Variants in CENPW observed in about 807,000 individuals in gnomAD.
CENPW encodes cancer-up-regulated gene 2 protein.
In CENPW, 3 loss-of-function variants were observed where a neutral mutation model predicts 11.1. The observed-to-expected ratio is 0.27, with a 90% confidence interval of 0.12 to 0.70. CENPW has a LOEUF of 0.70. Among genes scored for constraint, CENPW ranks in the 30% least tolerant of loss-of-function variants. The pLI, the probability that CENPW is intolerant of heterozygous loss-of-function variation, is 0.77. For missense variants in CENPW, 100 were observed against 105.6 expected (o/e 0.95, Z 0.23); for synonymous variants, 38 against 42.0 (o/e 0.91, Z 0.37).
At chr6:126,377,804 A>G in the CENPW span, among the ~76,000 whole-genome samples, 1 of 152,220 alleles carries the variant, frequency 6.6e-6, no homozygotes, top group Non-Finnish European at 1.5e-5. Context: ...AGTAACAACA[A>G]AAGACTTATT....
At chr6:126,478,598 C>A in the CENPW span, among the ~76,000 whole-genome samples, 1 of 151,952 alleles carries the variant, frequency 6.6e-6, no homozygotes, top group Non-Finnish European at 1.5e-5. Context: ...TGACAAAGCC[C>A]ATATTTGCTT....
chr6:126,471,390 A>T, the CENPW span, among the ~76,000 whole-genome samples: 2 of 152,174 alleles, frequency 1.3e-5, no homozygotes. Flanking sequence ...CTCCCCAGCC[A>T]TGCAGAACTA....
the CENPW span, among the ~76,000 whole-genome samples, chr6:126,439,523 T>A: frequency 6.6e-6 from 1 of 151,610 alleles, no homozygotes; most frequent in Non-Finnish European, 1.5e-5. Flanking sequence ...AGAGGAGTTT[T>A]TTCCTCTTCC....
the CENPW span, among the ~76,000 whole-genome samples, chr6:126,465,456 A>G: frequency 6.6e-6 from 1 of 152,102 alleles, no homozygotes; most frequent in Admixed American, 6.6e-5. Flanking sequence ...CTGCCTATTG[A>G]TTTACAAATT....
the CENPW span, among the ~76,000 whole-genome samples, chr6:126,405,385 C>A: frequency 2.0e-4 from 30 of 152,146 alleles, no homozygotes; most frequent in African/African-American, 6.7e-4. Flanking sequence ...CATGCCAGTA[C>A]CTTGCTGTTT....
At chr6:126,391,518 G>A in the CENPW span, among the ~76,000 whole-genome samples, 1 of 151,786 alleles carries the variant, frequency 6.6e-6, no homozygotes, top group Non-Finnish European at 1.5e-5. Flanking sequence ...AACTGGGCTT[G>A]TGGAATATTA....
At chr6:126,361,282 C>T in the CENPW span, among the ~76,000 whole-genome samples, 1 of 152,036 alleles carries the variant, frequency 6.6e-6, no homozygotes, top group Non-Finnish European at 1.5e-5. Context: ...AGATGTGTGG[C>T]TCTTTTCTAT....
chr6:126,458,460 T>C, the CENPW span, among the ~76,000 whole-genome samples: 1 of 151,388 alleles, frequency 6.6e-6, no homozygotes, highest in African/African-American at 2.4e-5. Context: ...AACAATTAAA[T>C]GAGAATTTTT....
chr6:126,477,340 A>G, the CENPW span, among the ~76,000 whole-genome samples: 1 of 152,024 alleles, frequency 6.6e-6, no homozygotes, highest in Non-Finnish European at 1.5e-5. Context: ...TACAACCAAA[A>G]GAGATTGGCA....
intron 1 of CENPW, among the ~76,000 whole-genome samples, chr6:126,345,528 A>C (rs1263868097): frequency 6.6e-6 from 1 of 152,114 alleles, no homozygotes; most frequent in Non-Finnish European, 1.5e-5. Context: ...AGCTTTCCAC[A>C]ATGCTGATAT....
chr6:126,346,186 T>TG lies in CENPW; in HGVS notation c.127-17dup, dbSNP rs775359552. 24 of 1,475,332 alleles carry TG rather than the reference T, an allele frequency of 1.6e-5. No homozygotes were observed. The Admixed American group carries it at 4.3e-4, about 27-fold the overall frequency. 91.4% of individuals were successfully genotyped at this position (1,475,332 alleles called of 1,614,324 possible). Reference sequence around the variant, plus strand: ...CAGTATTTGAGCTTAAAAATCCACTTGGATTTTCTGTTTTAAAGGTCCATC... The same window carrying TG: ...CAGTATTTGAGCTTAAAAATCCACTTGGGATTTTCTGTTTTAAAGGTCCATC... On this transcript the variant is annotated intron_variant, in intron 1 of 2. Transcript: ENST00000368328.
chr6:126,362,694 A>C, the CENPW span, among the ~76,000 whole-genome samples: 1 of 152,184 alleles, frequency 6.6e-6, no homozygotes, highest in East Asian at 1.9e-4. Context: ...CCTAAAGGAG[A>C]AAAGCTGTTT....
At chr6:126,437,182 A>C in the CENPW span, among the ~76,000 whole-genome samples, 19 of 151,926 alleles carry the variant, frequency 1.3e-4, 1 homozygote, top group African/African-American at 4.6e-4. Context: ...CATTTCTTTT[A>C]AGCAGTTTCT....
At chr6:126,432,265 C>A in the CENPW span, among the ~76,000 whole-genome samples, 2 of 151,978 alleles carry the variant, frequency 1.3e-5, no homozygotes, top group African/African-American at 4.8e-5. Context: ...CCTATGTTCC[C>A]AATACACTTG....
the CENPW span, among the ~76,000 whole-genome samples, chr6:126,416,302 CTT>C: frequency 6.6e-6 from 1 of 152,136 alleles, no homozygotes; most frequent in East Asian, 1.9e-4. Flanking sequence ...CGAGAGGTGA[CTT>C]AGTGCTGTTA....
At chr6:126,462,683 T>C in the CENPW span, among the ~76,000 whole-genome samples, 3 of 151,750 alleles carry the variant, frequency 2.0e-5, no homozygotes, top group African/African-American at 7.3e-5. Context: ...ATATACAAAA[T>C]ACTCTGCTAC....
chr6:126,437,069 C>T, the CENPW span, among the ~76,000 whole-genome samples: 3 of 151,002 alleles, frequency 2.0e-5, no homozygotes, highest in African/African-American at 7.3e-5. Flanking sequence ...AAACTACATT[C>T]GGTCAACCTG....
the CENPW span, among the ~76,000 whole-genome samples, chr6:126,373,485 T>G: frequency 6.6e-6 from 1 of 152,242 alleles, no homozygotes; most frequent in Non-Finnish European, 1.5e-5. Context: ...TAAAACTTAA[T>G]GGCTTACGAC....
chr6:126,341,760 G>A (rs941775139), intron 1 of CENPW, among the ~76,000 whole-genome samples: 1 of 152,150 alleles, frequency 6.6e-6, no homozygotes, highest in Non-Finnish European at 1.5e-5. Context: ...TGGAGGGAGA[G>A]GAAATGTACC....
Sources: gnomAD v4.1 joint callset for allele counts (sites outside exome capture counted in the v4.1 genomes callset) on GRCh38, gnomAD v4.1.1 for gene constraint, MANE v1.5 for transcripts, NCBI Gene and HGNC (gene_info 2026-07-23, HGNC 2026-07-21) for gene names.